XRN2: variants seen among roughly 807,000 people sequenced by gnomAD.
The protein encoded by XRN2 is 5'-3' exoribonuclease 2, also known as DHM1-like protein.
In XRN2, 44 loss-of-function variants were observed where a neutral mutation model predicts 138.5. That is an observed-to-expected ratio of 0.32 (90% CI 0.25 to 0.41). The LOEUF (loss-of-function observed/expected upper bound fraction) is 0.41. XRN2 is among the 10% of genes least tolerant of loss of function. The probability of loss-of-function intolerance (pLI) is 1.00; values close to 1 mark genes in which losing one functional copy is unlikely to be tolerated. For missense variants in XRN2, 937 were observed against 1,169.3 expected, an observed-to-expected ratio of 0.80 and a Z score of 2.90; for synonymous variants, 354 against 369.4, an observed-to-expected ratio of 0.96 and a Z score of 0.48.
intron 1 of XRN2, 81 bp downstream of exon 1, chr20:21,303,554 T>G: frequency 6.9e-7 from 1 of 1,441,080 alleles, no homozygotes; most frequent in Non-Finnish European, 9.1e-7. Flanking sequence ...CTCCGCCGCC[T>G]GCCCCCGGGG....
chr20:21,350,525 CAAAAAAA>C (rs11484426), intron 20 of XRN2, among the ~76,000 whole-genome samples: 19 of 58,946 alleles, frequency 3.2e-4, no homozygotes, highest in Admixed American at 2.1e-3. Flanking sequence ...GACTCCGTCT[CAAAAAAA>C]AAAAAAAAAA....
At chr20:21,377,653 C>T (rs1428508746) in intron 27 of XRN2, among the ~76,000 whole-genome samples, 1 of 151,602 alleles carries the variant, frequency 6.6e-6, no homozygotes, top group Non-Finnish European at 1.5e-5. Context: ...TTGTGTAGAA[C>T]CAGTCTTCAC....
At chr20:21,320,462 G>C (rs2038023812) in intron 1 of XRN2, among the ~76,000 whole-genome samples, 1 of 151,686 alleles carries the variant, frequency 6.6e-6, no homozygotes, top group African/African-American at 2.4e-5. Context: ...ACCACATCCG[G>C]CTAATTTTTT....
chr20:21,387,960 T>C (rs973977819), intron 29 of XRN2, among the ~76,000 whole-genome samples: 2 of 152,266 alleles, frequency 1.3e-5, no homozygotes, highest in African/African-American at 4.8e-5. Flanking sequence ...TCTGAGATTT[T>C]GTTACAGTTT....
intron 17 of XRN2, among the ~76,000 whole-genome samples, chr20:21,347,711 GT>G (rs1364870921): frequency 2.6e-5 from 4 of 152,146 alleles, no homozygotes; most frequent in Non-Finnish European, 5.9e-5. Flanking sequence ...ACTCATGGCT[GT>G]TTTACTTTCA....
At chr20:21,368,635 C>A in intron 27 of XRN2, 45 bp downstream of exon 27, 1 of 1,604,926 alleles carries the variant, frequency 6.2e-7, no homozygotes, top group South Asian at 1.1e-5. Context: ...AATTAAATAT[C>A]ACAGCAAATG....
chr20:21,365,659 A>T lies in XRN2; in HGVS notation c.2411A>T (p.Asp804Val). The T allele has an allele frequency of 6.2e-7, 1 of 1,613,064 alleles. No homozygotes were observed. Among genetic ancestry groups the T allele is most frequent in the Non-Finnish European group, 8.5e-7 (1 of 1,179,900 alleles). ...AAGCCTCAGCTTGGCTTTAACCGTG[A>T]CCGGAGGCCTGTGCACCTGGATCAG... ...QWKPQLGFNR[D>V]RRPVHLDQAA... is the part of the protein sequence containing the mutation. The change falls in exon 26 of 30, where the codon GAC (aspartate) becomes GTC (valine). Residue 804 changes from aspartate to valine, a missense_variant. By Grantham distance (152) the Asp-to-Val change is radical. Coordinates refer to ENST00000377191, the MANE Select transcript of XRN2 (RefSeq NM_012255.5).
rs1180489464 is a variant in XRN2 at position 21,360,988 on chromosome 20, A to G, written c.2255+3196A>G. ...CAATTTAGCATTAATTATGGAATGT[A>G]TCAGGGAAAGGTTGTGTAAAAATGA... is the stretch of plus-strand genomic sequence containing the variant. On this transcript the variant is annotated intron_variant, in intron 24 of 29. Transcript: ENST00000377191. Among the ~76,000 whole-genome samples the G allele has an allele frequency of 2.0e-5, 3 of 152,240 alleles. No homozygotes were observed. In the East Asian group the frequency reaches 5.8e-4, roughly 29 times the overall value.
At chr20:21,365,949 A>G (rs1295287980) in intron 26 of XRN2, among the ~76,000 whole-genome samples, 2 of 119,906 alleles carry the variant, frequency 1.7e-5, no homozygotes, top group African/African-American at 3.2e-5. Context: ...AAATTTATAT[A>G]TATATAATTA....
chr20:21,350,177 A>G (rs2038487618), intron 20 of XRN2, among the ~76,000 whole-genome samples: 3 of 152,222 alleles, frequency 2.0e-5, no homozygotes, highest in Non-Finnish European at 4.4e-5. Context: ...TACTAACTTT[A>G]AGGTGTGTTT....
Position 21,342,092 on chromosome 20 carries a change from C to T in XRN2, c.1410+1240C>T, listed in dbSNP as rs1274674335. Among the ~76,000 whole-genome samples, 4 of 152,134 alleles carry T rather than the reference C, an allele frequency of 2.6e-5. No individual in the cohort carries two copies. The South Asian group carries it at 8.3e-4, about 32-fold the overall frequency. ...TTCTATATAGAGGAGGTATGGAATT[C>T]GAATCTTTGCAGAGTGGGATTTTCA... On this transcript the variant is annotated intron_variant, in intron 15 of 29. Transcript: ENST00000377191.
intron 4 of XRN2, among the ~76,000 whole-genome samples, chr20:21,329,748 A>G (rs1038636346): frequency 4.6e-5 from 7 of 151,866 alleles, no homozygotes; most frequent in Admixed American, 2.0e-4. Context: ...CTACCTGATA[A>G]TTGTATTTCT....
intron 1 of XRN2, among the ~76,000 whole-genome samples, chr20:21,304,936 A>T (rs997045156): frequency 3.3e-5 from 5 of 152,176 alleles, no homozygotes; most frequent in African/African-American, 1.2e-4. Flanking sequence ...ATCAGATAGG[A>T]TAGTTGACTA....
chr20:21,319,193 A>G (rs773971003), intron 1 of XRN2, among the ~76,000 whole-genome samples: 12 of 152,126 alleles, frequency 7.9e-5, no homozygotes, highest in South Asian at 6.2e-4. Flanking sequence ...TGATATCAGT[A>G]TAGCCACTCC....
At chr20:21,384,525 C>G (rs2038917426) in intron 28 of XRN2, among the ~76,000 whole-genome samples, 1 of 152,146 alleles carries the variant, frequency 6.6e-6, no homozygotes, top group African/African-American at 2.4e-5. Context: ...AGGTCTCACT[C>G]TGTCACCCAG....
At chr20:21,334,208 G>A in intron 13 of XRN2, 23 bp downstream of exon 13, 1 of 1,592,210 alleles carries the variant, frequency 6.3e-7, no homozygotes, top group Non-Finnish European at 8.6e-7. Flanking sequence ...TATTGCAGTA[G>A]CTAAAATTGC....
intron 13 of XRN2, among the ~76,000 whole-genome samples, chr20:21,338,290 C>T (rs1371636721): frequency 6.6e-6 from 1 of 152,064 alleles, no homozygotes; most frequent in African/African-American, 2.4e-5. Context: ...GGGAGGCCTG[C>T]GAATGGCCCA....
chr20:21,349,889 G>T (rs1005030789), intron 20 of XRN2, among the ~76,000 whole-genome samples: 16 of 152,224 alleles, frequency 1.1e-4, no homozygotes, highest in Non-Finnish European at 1.9e-4. Flanking sequence ...CAGTAAATTG[G>T]GTTGAAATAG....
At chr20:21,320,811 A>T (rs1273334193) in intron 1 of XRN2, among the ~76,000 whole-genome samples, 1 of 151,902 alleles carries the variant, frequency 6.6e-6, no homozygotes, top group Non-Finnish European at 1.5e-5. Flanking sequence ...GGCCAGGCTG[A>T]TCTCGAACTC....
Sources: allele counts gnomAD v4.1 joint callset (sites outside exome capture counted in the v4.1 genomes callset), GRCh38; gene constraint gnomAD v4.1.1; transcripts MANE v1.5; gene names NCBI Gene and HGNC (gene_info 2026-07-23, HGNC 2026-07-21).